Variants in ADAMTS17 observed in about 807,000 individuals in gnomAD.
ADAMTS17 encodes the protein A disintegrin and metalloproteinase with thrombospondin motifs 17.
ADAMTS17 carries 113 observed loss-of-function variants against 141.5 expected under a neutral mutation model. The observed-to-expected ratio is 0.80, with a 90% CI of 0.69 to 0.93. ADAMTS17 has a LOEUF of 0.93. ADAMTS17 is among the 40% of genes least tolerant of loss of function. The probability of loss-of-function intolerance (pLI) is 0.00; values close to 1 mark genes in which losing one functional copy is unlikely to be tolerated. For synonymous variants in ADAMTS17, 768 were observed against 630.6 expected, an observed-to-expected ratio of 1.22 and a Z score of -3.27; for missense variants, 1,659 against 1,517.9, an observed-to-expected ratio of 1.09 and a Z score of -1.54.
intron 2 of ADAMTS17, among the ~76,000 whole-genome samples, chr15:100,333,874 T>C (rs2046128527): frequency 6.6e-6 from 1 of 152,202 alleles, no homozygotes; most frequent in Non-Finnish European, 1.5e-5. Flanking sequence ...TAGAAATAAA[T>C]GCCTATGGCA....
At chr15:100,199,749 ACCTGGATGGGCACT>A (rs946865419) in intron 7 of ADAMTS17, among the ~76,000 whole-genome samples, 3 of 152,174 alleles carry the variant, frequency 2.0e-5, no homozygotes, top group Admixed American at 1.3e-4. Context: ...TCCCAAGGTC[ACCTGGATGGGCACT>A]CCATGCTGCG....
At chr15:100,319,292 A>G (rs752440131) in intron 3 of ADAMTS17, among the ~76,000 whole-genome samples, 14 of 152,248 alleles carry the variant, frequency 9.2e-5, no homozygotes, top group Non-Finnish European at 1.6e-4. Flanking sequence ...GCCTACCTTG[A>G]AAGTCCTGCC....
chr15:100,163,483 A>G (rs1372638461), intron 8 of ADAMTS17, among the ~76,000 whole-genome samples: 1 of 151,960 alleles, frequency 6.6e-6, no homozygotes, highest in East Asian at 1.9e-4. Context: ...TTTGAAATCT[A>G]AATTTTATAA....
chr15:100,305,202 C>T (rs1291104500), intron 3 of ADAMTS17, among the ~76,000 whole-genome samples: 3 of 152,140 alleles, frequency 2.0e-5, no homozygotes, highest in South Asian at 2.1e-4. Context: ...AAAAAAACAC[C>T]TTATAAAGCT....
chr15:100,079,364 G>A (rs1364981518), intron 15 of ADAMTS17, among the ~76,000 whole-genome samples: 2 of 152,128 alleles, frequency 1.3e-5, no homozygotes, highest in South Asian at 2.1e-4. Flanking sequence ...AATAGTATTT[G>A]GCAATAAAAA....
At chr15:100,048,446 T>G (rs1167030514) in intron 18 of ADAMTS17, among the ~76,000 whole-genome samples, 1 of 151,998 alleles carries the variant, frequency 6.6e-6, no homozygotes, top group African/African-American at 2.4e-5. Flanking sequence ...CTGGCATGAA[T>G]TTCAGCCACT....
intron 8 of ADAMTS17, 58 bp from the exon 9 acceptor site, chr15:100,155,378 C>T: frequency 1.3e-6 from 2 of 1,583,704 alleles, no homozygotes; most frequent in South Asian, 2.3e-5. Flanking sequence ...TTTCCAGTTC[C>T]TGGTGCTAGC....
intron 2 of ADAMTS17, chr15:100,339,101 T>TA: frequency 1.0e-6 from 1 of 985,454 alleles, no homozygotes; most frequent in Non-Finnish European, 1.2e-6. Flanking sequence ...GCTGAAGTCT[T>TA]AGAGGTACAA....
chr15:100,208,723 A>C (rs1332493261), intron 7 of ADAMTS17, among the ~76,000 whole-genome samples: 1 of 151,806 alleles, frequency 6.6e-6, no homozygotes, highest in Non-Finnish European at 1.5e-5. Context: ...AATTTAAAAG[A>C]TAACAAAGGG....
At chr15:100,209,380 A>G (rs941389578) in intron 7 of ADAMTS17, among the ~76,000 whole-genome samples, 3 of 152,160 alleles carry the variant, frequency 2.0e-5, no homozygotes, top group Non-Finnish European at 2.9e-5. Flanking sequence ...CCAGCTCCTG[A>G]GTTCAAGTCC....
intron 9 of ADAMTS17, 48 bp from the exon 10 acceptor site, chr15:100,152,810 T>C (rs759909342): frequency 8.1e-6 from 13 of 1,596,956 alleles, no homozygotes; most frequent in East Asian, 4.5e-5. Flanking sequence ...CTGCCTAGGT[T>C]TTTTTGTTTT....
chr15:100,293,940 A>G (rs529313371), intron 3 of ADAMTS17, among the ~76,000 whole-genome samples: 1 of 152,326 alleles, frequency 6.6e-6, no homozygotes, highest in South Asian at 2.1e-4. Flanking sequence ...GGGAGGGGGC[A>G]ACACTAGTCG....
chr15:99,982,407 A>G (rs2060498333), intron 20 of ADAMTS17, among the ~76,000 whole-genome samples: 1 of 152,086 alleles, frequency 6.6e-6, no homozygotes, highest in Non-Finnish European at 1.5e-5. Flanking sequence ...GCACAATTAG[A>G]GGCTGTTTTG....
chr15:99,977,567 C>G (rs1360293213), intron 20 of ADAMTS17, among the ~76,000 whole-genome samples: 1 of 150,480 alleles, frequency 6.6e-6, no homozygotes, highest in Non-Finnish European at 1.5e-5. Flanking sequence ...GCACCTGCCA[C>G]CACATCTGGC....
At chr15:100,073,481 C>T (rs190194380) in intron 15 of ADAMTS17, among the ~76,000 whole-genome samples, 2 of 151,694 alleles carry the variant, frequency 1.3e-5, no homozygotes, top group South Asian at 2.1e-4. Context: ...TATTGCGGCA[C>T]TATTCACAAT....
At chr15:100,021,075 T>G (rs901708068) in intron 18 of ADAMTS17, among the ~76,000 whole-genome samples, 2 of 152,172 alleles carry the variant, frequency 1.3e-5, no homozygotes, top group African/African-American at 4.8e-5. Context: ...TACAAATAAC[T>G]GTTTGAGGAC....
intron 3 of ADAMTS17, among the ~76,000 whole-genome samples, chr15:100,289,668 T>C (rs1019929337): frequency 2.6e-5 from 4 of 152,144 alleles, no homozygotes; most frequent in Non-Finnish European, 4.4e-5. Context: ...TAATTCACCA[T>C]GATCAACCAG....
chr15:100,058,118 G>A (rs567263262), intron 15 of ADAMTS17, among the ~76,000 whole-genome samples: 2 of 151,552 alleles, frequency 1.3e-5, no homozygotes, highest in Non-Finnish European at 3.0e-5. Context: ...ACTCCCTCCA[G>A]GGCCTCTGCC....
At chr15:100,256,761 G>C (rs1289749801) in intron 6 of ADAMTS17, 1 of 152,582 alleles carries the variant, frequency 6.6e-6, no homozygotes, top group Admixed American at 6.5e-5. Flanking sequence ...GCTCGAGGAG[G>C]AGTTCTCGAC....
Sources: allele counts gnomAD v4.1 joint callset (sites outside exome capture counted in the v4.1 genomes callset), GRCh38; gene constraint gnomAD v4.1.1; transcripts MANE v1.5; gene names NCBI Gene and HGNC (gene_info 2026-07-23, HGNC 2026-07-21).